GPC5: variants seen among roughly 807,000 people sequenced by gnomAD.
The protein encoded by GPC5 is glypican 5.
Under a neutral mutation model 53.9 loss-of-function variants are expected in GPC5, and 47 were observed. The ratio of observed to expected loss-of-function variants is 0.87; its 90% CI spans 0.69 to 1.11. GPC5 has a LOEUF of 1.11. GPC5 is among the 50% of genes most tolerant of loss of function. GPC5 has a pLI of 0.00. For synonymous variants in GPC5, 286 were observed against 263.3 expected, an observed-to-expected ratio of 1.09 and a Z score of -0.84; for missense variants, 748 against 713.1, an observed-to-expected ratio of 1.05 and a Z score of -0.56.
chr13:91,792,390 G>T (rs989666150), intron 5 of GPC5, among the ~76,000 whole-genome samples: 7 of 152,170 alleles, frequency 4.6e-5, no homozygotes, highest in Admixed American at 3.9e-4. Flanking sequence ...TCTTCTGGTG[G>T]TAGCATTTCT....
chr13:92,547,607 A>G (rs184808374), intron 7 of GPC5, among the ~76,000 whole-genome samples: 21 of 152,252 alleles, frequency 1.4e-4, no homozygotes, highest in African/African-American at 3.8e-4. Context: ...TTATGCTCCA[A>G]TAGGATAGCC....
At chr13:92,536,387 G>T (rs551570421) in intron 7 of GPC5, among the ~76,000 whole-genome samples, 1 of 152,224 alleles carries the variant, frequency 6.6e-6, no homozygotes, top group African/African-American at 2.4e-5. Flanking sequence ...AAGGGAAATA[G>T]ATTTGAACAA....
In GPC5 at chr13:92,151,773, G is replaced by A. The variant is rs57089511; in HGVS notation, c.1561+6784G>A. Among the ~76,000 whole-genome samples, 1,108 of 152,258 alleles carry A rather than the reference G, an allele frequency of 7.3e-3. 25 individuals carry two copies. Among genetic ancestry groups the A allele is most frequent in the African/African-American group, 0.025 (1,043 of 41,550 alleles). ...GTGATGAACACAGAAGAAATACTGTGCACAATCCCCTATATCACATTATAT... is the reference window on the plus strand; with the variant it reads ...GTGATGAACACAGAAGAAATACTGTACACAATCCCCTATATCACATTATAT... On this transcript the variant is annotated intron_variant, in intron 7 of 7. Coordinates refer to ENST00000377067, the MANE Select transcript of GPC5 (RefSeq NM_004466.6).
intron 3 of GPC5, among the ~76,000 whole-genome samples, chr13:91,695,622 G>T (rs1165211124): frequency 6.6e-6 from 1 of 151,998 alleles, no homozygotes; most frequent in Non-Finnish European, 1.5e-5. Context: ...TGACCTGCCC[G>T]CCTCGGCCTC....
At chr13:92,107,955 C>T (rs1177563280) in intron 6 of GPC5, among the ~76,000 whole-genome samples, 2 of 152,158 alleles carry the variant, frequency 1.3e-5, no homozygotes, top group African/African-American at 4.8e-5. Context: ...CCAAATTGCT[C>T]TTTTTCTCCA....
At chr13:92,657,809 A>G (rs548238869) in intron 7 of GPC5, among the ~76,000 whole-genome samples, 2 of 152,216 alleles carry the variant, frequency 1.3e-5, no homozygotes, top group South Asian at 4.1e-4. Flanking sequence ...CTAAGGTTAC[A>G]TTCTTTTAAC....
intron 7 of GPC5, among the ~76,000 whole-genome samples, chr13:92,573,926 G>A (rs1312593413): frequency 1.3e-5 from 2 of 152,102 alleles, no homozygotes. Flanking sequence ...CATCAGATCT[G>A]GTCTGGGCAA....
intron 7 of GPC5, among the ~76,000 whole-genome samples, chr13:92,262,021 C>CT (rs905575246): frequency 1.3e-5 from 2 of 152,088 alleles, no homozygotes; most frequent in African/African-American, 4.8e-5. Flanking sequence ...TGTAGTCAGG[C>CT]TTTTTTCCCA....
intron 6 of GPC5, among the ~76,000 whole-genome samples, chr13:92,106,153 T>C (rs1236530038): frequency 2.0e-5 from 3 of 152,028 alleles, no homozygotes; most frequent in Non-Finnish European, 2.9e-5. Flanking sequence ...AAGTTATCTA[T>C]GTGTTTAAAT....
At chr13:92,563,298 A>C (rs1221794521) in intron 7 of GPC5, among the ~76,000 whole-genome samples, 1 of 152,024 alleles carries the variant, frequency 6.6e-6, no homozygotes, top group Non-Finnish European at 1.5e-5. Flanking sequence ...CTCCCCAAAA[A>C]GCTATTTTTG....
chr13:91,700,495 G>A (rs1350882483), intron 3 of GPC5, among the ~76,000 whole-genome samples: 3 of 152,158 alleles, frequency 2.0e-5, no homozygotes, highest in Non-Finnish European at 4.4e-5. Context: ...TCTGAGCAGA[G>A]GCCTCCTAGA....
intron 6 of GPC5, among the ~76,000 whole-genome samples, chr13:91,921,457 A>G (rs2039713501): frequency 6.6e-6 from 1 of 152,204 alleles, no homozygotes; most frequent in Admixed American, 6.5e-5. Context: ...CAGATCTGCT[A>G]GAGCACTTGA....
chr13:91,560,656 G>A (rs968689352), intron 2 of GPC5, among the ~76,000 whole-genome samples: 2 of 152,040 alleles, frequency 1.3e-5, no homozygotes, highest in South Asian at 2.1e-4. Flanking sequence ...CAAAGGTCTT[G>A]CAGCACCCTC....
intron 7 of GPC5, among the ~76,000 whole-genome samples, chr13:92,363,814 T>C (rs2043587459): frequency 6.6e-6 from 1 of 151,756 alleles, no homozygotes; most frequent in African/African-American, 2.4e-5. Context: ...CATACAATTA[T>C]AAATACAGAA....
At chr13:91,417,071 G>A (rs149319978) in intron 1 of GPC5, among the ~76,000 whole-genome samples, 17 of 152,224 alleles carry the variant, frequency 1.1e-4, no homozygotes, top group Admixed American at 6.5e-4. Context: ...ATGGAGCAGA[G>A]GGGGGGAGTA....
At chr13:92,755,657 G>C (rs1417317415) in intron 7 of GPC5, among the ~76,000 whole-genome samples, 1 of 139,418 alleles carries the variant, frequency 7.2e-6, no homozygotes, top group Non-Finnish European at 1.6e-5. Flanking sequence ...TATCACCACC[G>C]ATCCCACAGA....
intron 6 of GPC5, among the ~76,000 whole-genome samples, chr13:91,974,305 A>G (rs1455381795): frequency 6.6e-6 from 1 of 152,206 alleles, no homozygotes; most frequent in African/African-American, 2.4e-5. Flanking sequence ...AGGGTATTCA[A>G]TTAGGGAAAG....
chr13:92,675,195 CTA>C (rs1886896856), intron 7 of GPC5, among the ~76,000 whole-genome samples: 1 of 152,020 alleles, frequency 6.6e-6, no homozygotes, highest in African/African-American at 2.4e-5. Flanking sequence ...AAGGAACACA[CTA>C]GACATAAGAA....
At chr13:91,856,215 AC>A (rs1298503616) in intron 5 of GPC5, among the ~76,000 whole-genome samples, 2 of 151,492 alleles carry the variant, frequency 1.3e-5, no homozygotes, top group African/African-American at 4.8e-5. Context: ...ATTTAAAAAA[AC>A]ATATTTTTCT....
Sources: gnomAD v4.1 joint callset for allele counts (sites outside exome capture counted in the v4.1 genomes callset) on GRCh38, gnomAD v4.1.1 for gene constraint, MANE v1.5 for transcripts, NCBI Gene and HGNC (gene_info 2026-07-23, HGNC 2026-07-21) for gene names.